The following FBLN2 variants were observed in gnomAD, a reference collection of about 807,000 sequenced individuals.
The protein encoded by FBLN2 is fibulin 2, also known as fibulin-2.
In FBLN2, 81 loss-of-function variants were observed where a neutral mutation model predicts 123.7. The ratio of observed to expected loss-of-function variants is 0.65; its 90% CI spans 0.55 to 0.79. FBLN2 has a LOEUF of 0.79. Among genes scored for constraint, FBLN2 ranks in the 30% least tolerant of loss-of-function variants. The pLI is 0.00. For synonymous variants in FBLN2, 699 were observed against 701.4 expected, an observed-to-expected ratio of 1.00 and a Z score of 0.05; for missense variants, 1,603 against 1,681.3, an observed-to-expected ratio of 0.95 and a Z score of 0.81.
chr3:13,619,726 C>A lies in FBLN2; in HGVS notation c.2054-4C>A. The A allele has an allele frequency of 6.2e-7, 1 of 1,612,878 alleles. No individual in the cohort carries two copies. The highest frequency in any genetic ancestry group is 8.5e-7 in the Non-Finnish European group (1 of 1,179,234). Reference sequence around the variant, plus strand: ...GTCTCTGATTTCTGTGTGGTTTCCTCCAGACAATGGACCCTGCAAGCAGGT... The same window carrying A: ...GTCTCTGATTTCTGTGTGGTTTCCTACAGACAATGGACCCTGCAAGCAGGT... On this transcript the variant is annotated splice_polypyrimidine_tract_variant and splice_region_variant and intron_variant, in intron 7 of 17. Coordinates refer to ENST00000404922, the MANE Select transcript of FBLN2 (RefSeq NM_001004019.2).
chr3:13,554,160 C>A (rs1703402224), intron 1 of FBLN2, among the ~76,000 whole-genome samples: 2 of 152,182 alleles, frequency 1.3e-5, no homozygotes, highest in South Asian at 4.1e-4. Flanking sequence ...AATGGAGAGC[C>A]CCAGGCCCAC....
intron 3 of FBLN2, 116 bp from the exon 4 acceptor site, chr3:13,609,397 A>G: frequency 8.2e-7 from 1 of 1,220,742 alleles, no homozygotes. Flanking sequence ...TGCCACCTGC[A>G]CCGGCTCCCT....
chr3:13,599,727 C>T lies in FBLN2; in HGVS notation c.1307-8335C>T, dbSNP rs974365689. On this transcript the variant is annotated intron_variant, in intron 2 of 17. Coordinates refer to ENST00000404922, the MANE Select transcript of FBLN2 (RefSeq NM_001004019.2). ...GGGGGATGAGGGATTGGCCTGGGAGCGTCCTGAGGATGGTAGGGCCTTTGT... is the reference window on the plus strand; with the variant it reads ...GGGGGATGAGGGATTGGCCTGGGAGTGTCCTGAGGATGGTAGGGCCTTTGT... Among the ~76,000 whole-genome samples, 8 of 151,232 alleles carry T rather than the reference C, an allele frequency of 5.3e-5. No individual in the cohort carries two copies. In the East Asian group the frequency reaches 5.9e-4, roughly 11 times the overall value.
chr3:13,554,007 C>G (rs191006573), intron 1 of FBLN2, among the ~76,000 whole-genome samples: 3 of 152,240 alleles, frequency 2.0e-5, no homozygotes, highest in Non-Finnish European at 2.9e-5. Flanking sequence ...GTGGGGAGCA[C>G]CGTGGGAGTT....
At chr3:13,586,950 G>C (rs7634088) in intron 2 of FBLN2, among the ~76,000 whole-genome samples, 12,521 of 151,436 alleles carry the variant, frequency 0.083, 677 homozygotes, top group East Asian at 0.25. Flanking sequence ...TTTGAGACCA[G>C]CTTGGCCCAC....
intron 1 of FBLN2, among the ~76,000 whole-genome samples, chr3:13,560,971 A>G (rs984337744): frequency 6.6e-6 from 1 of 152,060 alleles, no homozygotes; most frequent in Non-Finnish European, 1.5e-5. Context: ...TTTGAAGGGA[A>G]AAAAACACAA....
intron 2 of FBLN2, among the ~76,000 whole-genome samples, chr3:13,587,882 G>GT (rs537364786): frequency 2.0e-3 from 305 of 152,312 alleles, no homozygotes; most frequent in African/African-American, 6.9e-3. Flanking sequence ...CTTGCTTTGA[G>GT]TTGTCCTGCC....
At chr3:13,572,000 C>T (rs751713359) in intron 2 of FBLN2, among the ~76,000 whole-genome samples, 10 of 152,176 alleles carry the variant, frequency 6.6e-5, no homozygotes, top group Non-Finnish European at 1.2e-4. Flanking sequence ...CCCGGTAGGC[C>T]CCCACGTGTC....
intron 4 of FBLN2, 46 bp downstream of exon 4, chr3:13,609,688 G>GGGGGGGGGCCCCC: frequency 2.0e-6 from 1 of 512,602 alleles, no homozygotes; most frequent in Non-Finnish European, 3.6e-6. Context: ...GTGGGGCGGG[G>GGGGGGGGGCCCCC]CGGGAGGCTG....
chr3:13,627,402 C>T (rs1208910364), intron 10 of FBLN2, among the ~76,000 whole-genome samples: 1 of 152,120 alleles, frequency 6.6e-6, no homozygotes, highest in African/African-American at 2.4e-5. Context: ...GGGATATCCC[C>T]ACTTCCGCCC....
intron 16 of FBLN2, 56 bp downstream of exon 16, chr3:13,631,513 A>C: frequency 6.6e-7 from 1 of 1,524,852 alleles, no homozygotes; most frequent in Non-Finnish European, 8.8e-7. Flanking sequence ...GCAGGCTCCA[A>C]GCAGGCACAG....
In FBLN2 at chr3:13,613,970, G is replaced by A. The variant is rs779059228; in HGVS notation, c.1549-14G>A. On this transcript the variant is annotated splice_polypyrimidine_tract_variant and intron_variant, in intron 4 of 17. Coordinates refer to ENST00000404922, the MANE Select transcript of FBLN2 (RefSeq NM_001004019.2). ...GGCCAGAGATTGGGCAGTGATAACT[G>A]TCTCTCCCTGCAGCAATGCTGTGAC... is the stretch of plus-strand genomic sequence containing the variant. 1 of 1,608,590 alleles carries A rather than the reference G, an allele frequency of 6.2e-7. No homozygotes were observed. Among genetic ancestry groups the A allele is most frequent in the Non-Finnish European group, 8.5e-7 (1 of 1,178,584 alleles).
intron 2 of FBLN2, among the ~76,000 whole-genome samples, chr3:13,593,534 T>C (rs1704741935): frequency 6.6e-6 from 1 of 151,822 alleles, no homozygotes. Flanking sequence ...GCCAGCATGG[T>C]GAAACCCCGT....
chr3:13,627,883 G>A lies in FBLN2; in HGVS notation c.2483G>A (p.Cys828Tyr). Reference protein sequence around the residue: ...GTHTCQPGFLCQNTKGSFYCQ... With the variant: ...GTHTCQPGFLYQNTKGSFYCQ... The stretch of plus-strand genomic sequence containing the variant: ...CACACCTGCCAGCCGGGCTTCTTGT[G>A]CCAGAACACCAAGGGCTCCTTCTAC... The change falls in exon 11 of 18, where the codon TGC becomes TAC. Residue 828 changes from cysteine to tyrosine, a missense_variant. Transcript: ENST00000404922. 6.2e-7 allele frequency: 1 copy of A among 1,613,776 alleles called. No homozygotes were observed. The highest frequency in any genetic ancestry group is 1.7e-5 in the Admixed American group (1 of 59,980).
Position 13,567,450 on chromosome 3 carries a change from G to A in FBLN2, c.-41-2865G>A, listed in dbSNP as rs999700922. Among the ~76,000 whole-genome samples the A allele has an allele frequency of 1.4e-4, 21 of 152,160 alleles. No individual in the cohort carries two copies. The East Asian group carries it at 2.9e-3, about 21-fold the overall frequency. On this transcript the variant is annotated intron_variant, in intron 1 of 17. Coordinates refer to ENST00000404922, the MANE Select transcript of FBLN2 (RefSeq NM_001004019.2). ...TCGGCTCACTCCAACCTCCGCCTCC[G>A]GGGTTCAAGCAGTTCTCCTGCCTCA...
intron 8 of FBLN2, among the ~76,000 whole-genome samples, chr3:13,620,497 TC>T (rs1705813207): frequency 6.6e-6 from 1 of 152,182 alleles, no homozygotes; most frequent in Non-Finnish European, 1.5e-5. Flanking sequence ...TCACATACCT[TC>T]CACCCCCGTG....
At chr3:13,635,708 TC>T (rs576590381) in intron 16 of FBLN2, among the ~76,000 whole-genome samples, 352 of 152,296 alleles carry the variant, frequency 2.3e-3, no homozygotes, top group Admixed American at 5.2e-3. Context: ...GTCTTGGACT[TC>T]CATCCAGCAA....
intron 1 of FBLN2, among the ~76,000 whole-genome samples, chr3:13,557,713 C>T (rs1703498884): frequency 6.6e-6 from 1 of 152,248 alleles, no homozygotes; most frequent in African/African-American, 2.4e-5. Flanking sequence ...AGGGACTCCT[C>T]TCATTGGCCA....
intron 1 of FBLN2, 65 bp downstream of exon 1, chr3:13,549,273 C>G (rs1323254672): frequency 1.1e-6 from 1 of 949,582 alleles, no homozygotes; most frequent in Admixed American, 6.2e-5. Flanking sequence ...CAGCTCAGGA[C>G]TCGGGGGCGC....
Sources: allele counts gnomAD v4.1 joint callset (sites outside exome capture counted in the v4.1 genomes callset), GRCh38; gene constraint gnomAD v4.1.1; transcripts MANE v1.5; gene names NCBI Gene and HGNC (gene_info 2026-07-23, HGNC 2026-07-21).